Variants in ADCY10 observed in about 807,000 individuals in gnomAD.
The protein encoded by ADCY10 is adenylate cyclase type 10.
Under a neutral mutation model 183.3 loss-of-function variants are expected in ADCY10, and 156 were observed. That is an observed-to-expected ratio of 0.85 (90% CI 0.75 to 0.97). The LOEUF is 0.97. Ranked by LOEUF, ADCY10 falls within the 50% of genes least tolerant of loss-of-function variation. The pLI, the probability that ADCY10 is intolerant of heterozygous loss-of-function variation, is 0.00. For synonymous variants in ADCY10, 645 were observed against 670.0 expected (o/e 0.96, Z 0.58); for missense variants, 1,745 against 1,934.3 (o/e 0.90, Z 1.84).
At chr1:167,883,651 C>T in intron 8 of ADCY10, 23 bp from the exon 9 acceptor site, 1 of 1,613,688 alleles carries the variant, frequency 6.2e-7, no homozygotes, top group South Asian at 1.1e-5. Flanking sequence ...GAGCAGCTTT[C>T]TGTAGGTGTC....
Position 167,848,361 on chromosome 1 carries a change from C to T in ADCY10, c.2437G>A (p.Glu813Lys), listed in dbSNP as rs1665206360. ...KNLSPPTSLK[E>K]ISLIQLDSMR... Reference sequence around the variant, plus strand: ...ACTGCGCCCGGCCAGATTTTCTTACCTTTTAATGACGTTGGAGGTGACAGG... The same window carrying T: ...ACTGCGCCCGGCCAGATTTTCTTACTTTTTAATGACGTTGGAGGTGACAGG... The change falls in exon 19 of 33, where the codon GAA becomes AAA. Residue 813 changes from glutamate to lysine, a missense_variant and splice_region_variant. By Grantham distance (56) the Glu-to-Lys change is moderately conservative. Transcript: ENST00000367851. 1 of 1,613,436 alleles carries T rather than the reference C, an allele frequency of 6.2e-7. No individual in the cohort carries two copies. The highest frequency in any genetic ancestry group is 1.7e-5 in the Admixed American group (1 of 59,994).
rs956041251 is a variant in ADCY10 at position 167,819,854 on chromosome 1, C to A, written c.4287-1587G>T. On this transcript the variant is annotated intron_variant, in intron 30 of 32. Coordinates refer to ENST00000367851, the MANE Select transcript of ADCY10 (RefSeq NM_018417.6). ...TGCTGGGATTACAGGTGTCAGCCAC[C>A]GCGCCCGGCATGATTTTCTAATAGC... 8 of 739,246 alleles carry A rather than the reference C, an allele frequency of 1.1e-5. 1 individual carries two copies. In the African/African-American group the frequency reaches 1.4e-4, roughly 13 times the overall value. The allele number at this position is 739,246 out of a possible 1,614,324, so 45.8% of individuals were successfully genotyped here.
Position 167,860,891 on chromosome 1 carries a change from TAAG to T in ADCY10, c.1786_1788del (p.Leu596del). 1 of 1,614,126 alleles carries T rather than the reference TAAG, an allele frequency of 6.2e-7. No homozygotes were observed. The highest frequency in any genetic ancestry group is 1.1e-5 in the South Asian group (1 of 91,078). ...GTTACCTGAACATGGAAAATGTCAT[TAAG>T]AAGACAGTAGAACTTTTCATCCAAC... On this transcript the variant is annotated inframe_deletion, in exon 15 of 33. Transcript: ENST00000367851.
intron 7 of ADCY10, 127 bp downstream of exon 7, chr1:167,896,468 G>T: frequency 2.5e-6 from 2 of 794,470 alleles, no homozygotes; most frequent in Non-Finnish European, 4.5e-6. Context: ...GGTCCCCTTT[G>T]TGTGCTGGTA....
intron 15 of ADCY10, among the ~76,000 whole-genome samples, chr1:167,860,289 C>A (rs1340815360): frequency 6.6e-6 from 1 of 152,128 alleles, no homozygotes; most frequent in East Asian, 1.9e-4. Flanking sequence ...ATTAGATTCT[C>A]ATAAGGAGCA....
intron 26 of ADCY10, among the ~76,000 whole-genome samples, 189 bp from the exon 27 acceptor site, chr1:167,825,044 G>T (rs959960850): frequency 3.3e-5 from 5 of 152,320 alleles, no homozygotes; most frequent in Middle Eastern, 3.4e-3. Context: ...AGTCATTCAG[G>T]ATAAGCTTGA....
At chr1:167,849,845 C>T (rs1477759838) in intron 18 of ADCY10, among the ~76,000 whole-genome samples, 1 of 152,106 alleles carries the variant, frequency 6.6e-6, no homozygotes, top group Non-Finnish European at 1.5e-5. Flanking sequence ...GGAGGAGAGG[C>T]CAACGCGAAG....
chr1:167,843,009 A>G (rs1198446065), intron 21 of ADCY10, among the ~76,000 whole-genome samples: 1 of 152,180 alleles, frequency 6.6e-6, no homozygotes, highest in Non-Finnish European at 1.5e-5. Flanking sequence ...CAAAGTCTCT[A>G]AAGTTTGTCG....
intron 21 of ADCY10, among the ~76,000 whole-genome samples, chr1:167,840,231 C>CA (rs112637652): frequency 0.061 from 8,290 of 135,902 alleles, 277 homozygotes; most frequent in East Asian, 0.15. Flanking sequence ...GACCCTGTCT[C>CA]AAAAAAAAAA....
intron 6 of ADCY10, among the ~76,000 whole-genome samples, chr1:167,897,915 A>G (rs1794782): frequency 1 from 3,142 of 3,142 alleles, 1,571 homozygotes; most frequent in Non-Finnish European, 1. Flanking sequence ...GGAATGGCGT[A>G]AACCCGGGAG....
chr1:167,838,172 T>G (rs1384787875), intron 21 of ADCY10, among the ~76,000 whole-genome samples: 1 of 152,264 alleles, frequency 6.6e-6, no homozygotes, highest in African/African-American at 2.4e-5. Flanking sequence ...GAAAGCCCTC[T>G]GTGCTCTTGC....
intron 9 of ADCY10, 71 bp downstream of exon 9, chr1:167,883,366 C>T (rs1291455887): frequency 2.0e-6 from 3 of 1,538,390 alleles, no homozygotes; most frequent in South Asian, 1.1e-5. Flanking sequence ...TGTCTATTCT[C>T]ACCAATGTGC....
Position 167,829,413 on chromosome 1 carries a change from G to C in ADCY10, c.3604C>G (p.Leu1202Val), listed in dbSNP as rs902561768. ...ACAGTTTGCCGGTAAAGTTGTGCCA[G>C]CCTCTTCTTCCTATTGGATAAGGTA... ...QESPPPGKKR[L>V]AQLYRQTVCL... is the part of the protein sequence containing the mutation. Residue 1202 changes from leucine (L) to valine (V), a missense_variant, in exon 26 of 33, where the codon CTG becomes GTG. By Grantham distance (32) the Leu-to-Val change is conservative. Transcript: ENST00000367851. 1.2e-6 allele frequency: 2 copies of C among 1,614,138 alleles called. No homozygotes were observed. The highest frequency in any genetic ancestry group is 8.5e-7 in the Non-Finnish European group (1 of 1,179,988).
chr1:167,886,600 A>G (rs1307524747), intron 8 of ADCY10, among the ~76,000 whole-genome samples: 3 of 152,202 alleles, frequency 2.0e-5, no homozygotes, highest in African/African-American at 4.8e-5. Context: ...AAACCCTAGA[A>G]GAAACCTAGG....
At chr1:167,815,128 C>T (rs1365895466) in intron 31 of ADCY10, among the ~76,000 whole-genome samples, 1 of 151,244 alleles carries the variant, frequency 6.6e-6, no homozygotes, top group Admixed American at 6.6e-5. Flanking sequence ...CTGTCTCCAA[C>T]AACAACAACA....
intron 6 of ADCY10, among the ~76,000 whole-genome samples, chr1:167,898,140 TA>T (rs1260795723): frequency 4.6e-5 from 7 of 151,706 alleles, no homozygotes; most frequent in Non-Finnish European, 8.8e-5. Flanking sequence ...CATAGTATTG[TA>T]CCAATGTTAA....
chr1:167,853,541 C>A (rs1003028662), intron 18 of ADCY10, among the ~76,000 whole-genome samples: 7 of 152,166 alleles, frequency 4.6e-5, no homozygotes, highest in African/African-American at 1.4e-4. Context: ...AAAGCCTGCT[C>A]TATCTAGCCT....
chr1:167,847,368 C>T (rs10489200), intron 19 of ADCY10, among the ~76,000 whole-genome samples: 13,035 of 152,122 alleles, frequency 0.086, 677 homozygotes, highest in African/African-American at 0.14. Context: ...TAAAACATTC[C>T]TTGAAAGTCA....
chr1:167,866,133 G>C (rs1195188235), intron 14 of ADCY10, among the ~76,000 whole-genome samples: 1 of 152,180 alleles, frequency 6.6e-6, no homozygotes, highest in Non-Finnish European at 1.5e-5. Context: ...TGGTATTGTG[G>C]TGGACCTTTA....
Sources: gnomAD v4.1 joint callset for allele counts (sites outside exome capture counted in the v4.1 genomes callset) on GRCh38, gnomAD v4.1.1 for gene constraint, MANE v1.5 for transcripts, NCBI Gene and HGNC (gene_info 2026-07-23, HGNC 2026-07-21) for gene names.